Variants in TOGARAM1 observed in about 807,000 individuals in gnomAD.
TOGARAM1 encodes the protein TOG array regulator of axonemal microtubules protein 1.
TOGARAM1 carries 100 observed loss-of-function variants against 166.6 expected under a neutral mutation model. The observed-to-expected ratio is 0.60, with a 90% CI of 0.51 to 0.71. TOGARAM1 has a LOEUF of 0.71. Ranked by LOEUF, TOGARAM1 falls within the 30% of genes least tolerant of loss-of-function variation. The probability of loss-of-function intolerance (pLI) is 0.00; values close to 1 mark genes in which losing one functional copy is unlikely to be tolerated. For synonymous variants in TOGARAM1, 758 were observed against 763.8 expected (o/e 0.99, Z 0.13); for missense variants, 2,029 against 2,102.7 (o/e 0.96, Z 0.69).
intron 1 of TOGARAM1, among the ~76,000 whole-genome samples, chr14:44,984,456 G>C (rs1292309162): frequency 1.3e-5 from 2 of 151,636 alleles, no homozygotes; most frequent in African/African-American, 2.4e-5. Flanking sequence ...TATTAAATAA[G>C]ACAATGTATA....
intron 11 of TOGARAM1, among the ~76,000 whole-genome samples, chr14:45,038,271 C>T (rs1881540439): frequency 6.6e-6 from 1 of 152,200 alleles, no homozygotes; most frequent in African/African-American, 2.4e-5. Flanking sequence ...AGCCAGAAAC[C>T]TCTGTGGCCA....
At chr14:44,996,830 A>G (rs1301346873) in intron 2 of TOGARAM1, 1 of 152,218 alleles carries the variant, frequency 6.6e-6, no homozygotes, top group East Asian at 1.9e-4. Context: ...GAGAGTGAAG[A>G]GGAAGTACAA....
intron 16 of TOGARAM1, among the ~76,000 whole-genome samples, chr14:45,064,532 G>T (rs543105411): frequency 6.6e-6 from 1 of 152,172 alleles, no homozygotes; most frequent in African/African-American, 2.4e-5. Flanking sequence ...GTGCAATGAC[G>T]TGATCATGGC....
At chr14:44,978,903 A>G (rs1886369223) in intron 1 of TOGARAM1, among the ~76,000 whole-genome samples, 1 of 151,584 alleles carries the variant, frequency 6.6e-6, no homozygotes, top group Non-Finnish European at 1.5e-5. Context: ...GGAGGCTGAG[A>G]CAGGAGGATC....
Position 45,010,000 on chromosome 14 carries a change from G to A in TOGARAM1, c.3137+855G>A, listed in dbSNP as rs534276818. 2.0e-5 allele frequency among the ~76,000 whole-genome samples: 3 copies of A among 152,072 alleles called. No individual in the cohort carries two copies. In the South Asian group the frequency reaches 6.2e-4, roughly 32 times the overall value. On this transcript the variant is annotated intron_variant, in intron 6 of 19. Coordinates refer to ENST00000361462, the MANE Select transcript of TOGARAM1 (RefSeq NM_001308120.2). ...CCAGCTATGTGTGAGAGTTATCCTT[G>A]TTTCACATTCTTGCTAACATTTGGT...
Position 45,032,371 on chromosome 14 carries a change from G to A in TOGARAM1, c.3807G>A (p.Glu1269=), listed in dbSNP as rs1299628047. 6.2e-7 allele frequency: 1 copy of A among 1,612,922 alleles called. No homozygotes were observed. Among genetic ancestry groups the A allele is most frequent in the Non-Finnish European group, 8.5e-7 (1 of 1,179,712 alleles). ...AAGCCCTGAGGCTTTTGGCTGATGAGGATTGGTAAGTTCACCATCCTTAAC... is the reference window on the plus strand; with the variant it reads ...AAGCCCTGAGGCTTTTGGCTGATGAAGATTGGTAAGTTCACCATCCTTAAC... ...LTEALRLLAD[E]DWEKKIEGLN... The change falls in exon 11 of 20, where the codon GAG becomes GAA. Residue 1269 remains glutamate, a synonymous_variant. Coordinates refer to ENST00000361462, the MANE Select transcript of TOGARAM1 (RefSeq NM_001308120.2).
At chr14:44,969,150 C>CCTTCCTTTCT (rs1566595745) in intron 1 of TOGARAM1, among the ~76,000 whole-genome samples, 8 of 130,076 alleles carry the variant, frequency 6.2e-5, no homozygotes, top group African/African-American at 2.6e-4. Context: ...TCCTTCCTTT[C>CCTTCCTTTCT]TTTCTTTCTT....
chr14:44,966,569 T>G (rs1265645788), intron 1 of TOGARAM1, among the ~76,000 whole-genome samples: 1 of 152,184 alleles, frequency 6.6e-6, no homozygotes, highest in African/African-American at 2.4e-5. Flanking sequence ...AATTCTTTTT[T>G]TCTTGTATGT....
rs1885476545 is a variant in TOGARAM1, at chr14:44,965,432, T to C, written c.2046+965T>C. On this transcript the variant is annotated intron_variant, in intron 1 of 19. Coordinates refer to ENST00000361462, the MANE Select transcript of TOGARAM1 (RefSeq NM_001308120.2). ...TCTAGAATAATATCCTACTTGTTTGTTTCTTTGTTTTTTCATGGCATTGGC... is the reference window on the plus strand; with the variant it reads ...TCTAGAATAATATCCTACTTGTTTGCTTCTTTGTTTTTTCATGGCATTGGC... Among the ~76,000 whole-genome samples, 3 of 152,238 alleles carry C rather than the reference T, an allele frequency of 2.0e-5. No individual in the cohort carries two copies. In the South Asian group the frequency reaches 6.2e-4, roughly 32 times the overall value.
At chr14:45,059,805 T>C (rs1882816318) in intron 16 of TOGARAM1, among the ~76,000 whole-genome samples, 1 of 152,132 alleles carries the variant, frequency 6.6e-6, no homozygotes, top group Admixed American at 6.6e-5. Flanking sequence ...AGTAATGACA[T>C]AAAAAATAAA....
At chr14:45,056,582 T>C (rs1479885689) in intron 16 of TOGARAM1, among the ~76,000 whole-genome samples, 2 of 152,204 alleles carry the variant, frequency 1.3e-5, no homozygotes, top group African/African-American at 4.8e-5. Context: ...GAAGTGATGA[T>C]GAATTTTATC....
intron 1 of TOGARAM1, among the ~76,000 whole-genome samples, chr14:44,969,110 T>TTTCCTTCTTTCC (rs1279418906): frequency 3.1e-4 from 43 of 139,208 alleles, no homozygotes; most frequent in African/African-American, 1.1e-3. Flanking sequence ...TCTTTCTTTC[T>TTTCCTTCTTTCC]TTCCTTCCTT....
intron 2 of TOGARAM1, 175 bp downstream of exon 2, chr14:44,996,077 G>C: frequency 4.5e-6 from 2 of 445,718 alleles, no homozygotes; most frequent in South Asian, 1.2e-4. Flanking sequence ...TAAAACCCTG[G>C]AGGGTTTCTC....
Position 44,962,405 on chromosome 14 carries a change from C to G in TOGARAM1, c.-17C>G. 6.5e-7 allele frequency: 1 copy of G among 1,527,706 alleles called. No homozygotes were observed. The highest frequency in any genetic ancestry group is 8.8e-7 in the Non-Finnish European group (1 of 1,142,424). The allele number at this position is 1,527,706 out of a possible 1,614,324, so 94.6% of individuals were successfully genotyped here. A position where few individuals can be genotyped will look rare whatever the true frequency, so the allele number is the denominator to read the frequency against. ...CGGCAATGGTTTCTTCCAACCACCA[C>G]CACCTGACAACCCTGCATGGCGGCT... is the stretch of plus-strand genomic sequence containing the variant. On this transcript the variant is annotated 5_prime_UTR_variant, in exon 1 of 20. Transcript: ENST00000361462.
chr14:45,043,138 A>G (rs1339647222), intron 11 of TOGARAM1, among the ~76,000 whole-genome samples: 1 of 151,206 alleles, frequency 6.6e-6, no homozygotes, highest in Non-Finnish European at 1.5e-5. Context: ...AACTTGCTGC[A>G]GCTTCTACAT....
intron 11 of TOGARAM1, among the ~76,000 whole-genome samples, chr14:45,035,885 G>A (rs577940437): frequency 1.3e-5 from 2 of 149,678 alleles, no homozygotes; most frequent in Non-Finnish European, 3.0e-5. Flanking sequence ...GCCAAGCCAG[G>A]AAGATTGCTT....
chr14:44,973,540 T>G (rs1360692966), intron 1 of TOGARAM1, among the ~76,000 whole-genome samples: 1 of 149,628 alleles, frequency 6.7e-6, no homozygotes, highest in Non-Finnish European at 1.5e-5. Flanking sequence ...AAAAATAAGT[T>G]TTTTTTTTAA....
Position 45,046,667 on chromosome 14 carries a change from C to A in TOGARAM1, c.4277C>A (p.Ala1426Asp). The A allele has an allele frequency of 7.5e-7, 1 of 1,324,944 alleles. No homozygotes were observed. Among genetic ancestry groups the A allele is most frequent in the South Asian group, 2.4e-5 (1 of 41,294 alleles). The allele number at this position is 1,324,944 out of a possible 1,614,324, so 82.1% of individuals were successfully genotyped here. A position where few individuals can be genotyped will look rare whatever the true frequency, so the allele number is the denominator to read the frequency against. The change falls in exon 14 of 20, where the codon GCT (alanine) becomes GAT (aspartate). Residue 1426 changes from alanine (A) to aspartate (D), a missense_variant. Physicochemically the swap from Ala to Asp is moderately radical, Grantham distance 126. Coordinates refer to ENST00000361462, the MANE Select transcript of TOGARAM1 (RefSeq NM_001308120.2). ...ATGGCTGAACGCATATTACCAGCTG[C>A]TGCTAAGTTTGCTCAAGACAGTTCA... ...KDMAERILPAAAKFAQDSSQE... is the reference protein window; with the variant it reads ...KDMAERILPADAKFAQDSSQE...
At chr14:45,021,579 T>C (rs959501755) in intron 7 of TOGARAM1, among the ~76,000 whole-genome samples, 3 of 152,194 alleles carry the variant, frequency 2.0e-5, no homozygotes, top group African/African-American at 7.2e-5. Flanking sequence ...TTCACAGGAA[T>C]AGCTAGCGTT....
Sources: gnomAD v4.1 joint callset for allele counts (sites outside exome capture counted in the v4.1 genomes callset) on GRCh38, gnomAD v4.1.1 for gene constraint, MANE v1.5 for transcripts, NCBI Gene and HGNC (gene_info 2026-07-23, HGNC 2026-07-21) for gene names.